The following SUMF1 variants were observed in gnomAD, a reference collection of about 807,000 sequenced individuals.
SUMF1 encodes the protein formylglycine-generating enzyme.
Under a neutral mutation model 47.6 loss-of-function variants are expected in SUMF1, and 48 were observed. That is an observed-to-expected ratio of 1.01 (90% CI 0.80 to 1.28). The LOEUF (loss-of-function observed/expected upper bound fraction) is 1.28. SUMF1 is among the 50% of genes most tolerant of loss of function. SUMF1 has a pLI of 0.00. For synonymous variants in SUMF1, 230 were observed against 192.1 expected (o/e 1.20, Z -1.63); for missense variants, 571 against 485.4 (o/e 1.18, Z -1.66).
intron 9 of SUMF1, among the ~76,000 whole-genome samples, chr3:4,048,227 A>C (rs1462831448): frequency 6.6e-6 from 1 of 152,138 alleles, no homozygotes; most frequent in Non-Finnish European, 1.5e-5. Context: ...AGAAAGACCC[A>C]TACTCGCCAT....
intron 8 of SUMF1, among the ~76,000 whole-genome samples, chr3:4,217,364 G>A (rs557659277): frequency 6.7e-6 from 1 of 148,958 alleles, no homozygotes; most frequent in East Asian, 2.0e-4. Context: ...GGGCCTGTCA[G>A]GGGGTGAGGG....
At chr3:4,159,679 TC>T (rs1452398850) in intron 8 of SUMF1, among the ~76,000 whole-genome samples, 11 of 152,148 alleles carry the variant, frequency 7.2e-5, no homozygotes, top group Non-Finnish European at 1.5e-4. Flanking sequence ...TTAAATAACA[TC>T]CTTTTCTTAA....
At position 4,430,193 on chromosome 3, in the gene SUMF1, G is replaced by C. The variant is rs1575212389; in HGVS notation, c.520-10047C>G. The stretch of plus-strand genomic sequence containing the variant: ...TTTCCATAAGATGGTAGTAGGTACG[G>C]AGAATAAAAGGTTCCCACCATCAAA... On this transcript the variant is annotated intron_variant, in intron 3 of 8. Transcript: ENST00000272902. 2.0e-5 allele frequency among the ~76,000 whole-genome samples: 3 copies of C among 152,176 alleles called. No individual in the cohort carries two copies. The East Asian group carries it at 5.8e-4, about 29-fold the overall frequency.
In SUMF1 at chr3:4,143,712, A is replaced by T. The variant is rs915761835; in HGVS notation, c.1015-74967T>A. Among the ~76,000 whole-genome samples the T allele has an allele frequency of 3.9e-5, 6 of 152,204 alleles. No individual in the cohort carries two copies. In the East Asian group the frequency reaches 9.7e-4, roughly 25 times the overall value. On this transcript the variant is annotated intron_variant and NMD_transcript_variant, in intron 8 of 12. Coordinates refer to the SUMF1 transcript ENST00000448413. ...TTCTTATATAAAACTAGGCCCAGGG[A>T]GTTAGGTAACTTTCCCAAGGTCATA... is the stretch of plus-strand genomic sequence containing the variant.
At position 4,297,130 on chromosome 3, in the gene SUMF1, A is replaced by C. The variant is rs537307428; in HGVS notation, c.1014+79200T>G. On this transcript the variant is annotated intron_variant and NMD_transcript_variant, in intron 8 of 12. Transcript: ENST00000448413. ...AGAGAACCTAATTGTCCTAGATTGA[A>C]AAAGGTGTGCACCTGTAAGCTAAAA... Among the ~76,000 whole-genome samples, 10 of 152,318 alleles carry C rather than the reference A, an allele frequency of 6.6e-5. No homozygotes were observed. The East Asian group carries it at 1.9e-3, about 29-fold the overall frequency.
intron 8 of SUMF1, among the ~76,000 whole-genome samples, chr3:4,353,103 C>T (rs1009943983): frequency 3.3e-5 from 5 of 152,112 alleles, no homozygotes; most frequent in African/African-American, 1.2e-4. Flanking sequence ...AGACATTGAA[C>T]ATATTAAAAG....
intron 8 of SUMF1, among the ~76,000 whole-genome samples, chr3:4,098,983 T>C (rs1692968781): frequency 6.6e-6 from 1 of 152,218 alleles, no homozygotes; most frequent in East Asian, 1.9e-4. Flanking sequence ...GAAAATAGAT[T>C]TTCTTACCCA....
intron 8 of SUMF1, among the ~76,000 whole-genome samples, chr3:4,080,565 T>C (rs1167887577): frequency 6.6e-6 from 1 of 152,176 alleles, no homozygotes; most frequent in Non-Finnish European, 1.5e-5. Flanking sequence ...ATTCATTTTC[T>C]GATGGGCACT....
chr3:4,065,048 A>G (rs1695345589), intron 9 of SUMF1, among the ~76,000 whole-genome samples: 1 of 152,166 alleles, frequency 6.6e-6, no homozygotes, highest in South Asian at 2.1e-4. Context: ...CTCTCTGGCA[A>G]GTCCTCCTAG....
At chr3:4,259,111 G>T (rs1416105238) in intron 8 of SUMF1, among the ~76,000 whole-genome samples, 1 of 135,396 alleles carries the variant, frequency 7.4e-6, no homozygotes, top group Non-Finnish European at 1.6e-5. Context: ...TGGGGACTGT[G>T]GTGGGGTGGG....
intron 8 of SUMF1, among the ~76,000 whole-genome samples, chr3:4,107,824 A>G (rs1222548111): frequency 6.6e-6 from 1 of 152,088 alleles, no homozygotes; most frequent in African/African-American, 2.4e-5. Context: ...TGCAAATATA[A>G]AGAGCTATAC....
intron 9 of SUMF1, among the ~76,000 whole-genome samples, chr3:4,066,050 C>A (rs2125030678): frequency 6.6e-6 from 1 of 152,122 alleles, no homozygotes; most frequent in South Asian, 2.1e-4. Flanking sequence ...ACTGACGAAA[C>A]CCAACAGAAT....
chr3:4,069,552 G>A (rs1695467853), intron 8 of SUMF1, among the ~76,000 whole-genome samples: 3 of 152,132 alleles, frequency 2.0e-5, no homozygotes, highest in Admixed American at 2.0e-4. Flanking sequence ...TTTGCATACA[G>A]CATTCATGAT....
intron 8 of SUMF1, among the ~76,000 whole-genome samples, chr3:4,339,320 A>C (rs1467468911): frequency 6.6e-6 from 1 of 152,142 alleles, no homozygotes; most frequent in Non-Finnish European, 1.5e-5. Flanking sequence ...GGGGGTACCC[A>C]AGGAAGCAGT....
At chr3:4,176,333 A>G (rs1382089916) in intron 8 of SUMF1, among the ~76,000 whole-genome samples, 2 of 152,196 alleles carry the variant, frequency 1.3e-5, no homozygotes, top group East Asian at 1.9e-4. Flanking sequence ...GACTAACAGC[A>G]GATCTCTTGG....
chr3:4,154,143 G>T (rs1376993868), intron 8 of SUMF1, among the ~76,000 whole-genome samples: 1 of 151,590 alleles, frequency 6.6e-6, no homozygotes, highest in Non-Finnish European at 1.5e-5. Context: ...TGACTCCTGA[G>T]CTACATGTGG....
chr3:4,466,922 C>G, intron 1 of SUMF1, 54 bp downstream of exon 1: 2 of 1,588,330 alleles, frequency 1.3e-6, no homozygotes, highest in South Asian at 1.1e-5. Flanking sequence ...CCTACTCCAA[C>G]CCCGTCCAGG....
intron 8 of SUMF1, among the ~76,000 whole-genome samples, chr3:4,300,305 G>C (rs750038370): frequency 4.6e-5 from 7 of 152,120 alleles, no homozygotes; most frequent in Non-Finnish European, 8.8e-5. Flanking sequence ...GCCTGCCCAG[G>C]AACCGAACAA....
intron 8 of SUMF1, among the ~76,000 whole-genome samples, chr3:4,139,526 CAT>C (rs1491571734): frequency 6.6e-6 from 1 of 150,634 alleles, no homozygotes; most frequent in African/African-American, 2.4e-5. Context: ...TATATACATG[CAT>C]GTGTGTGTGT....
Sources: allele counts gnomAD v4.1 joint callset (sites outside exome capture counted in the v4.1 genomes callset), GRCh38; gene constraint gnomAD v4.1.1; transcripts MANE v1.5; gene names NCBI Gene and HGNC (gene_info 2026-07-23, HGNC 2026-07-21).